Variants in PCDHGA12 observed in about 807,000 individuals in gnomAD.
PCDHGA12 encodes the protein protocadherin gamma subfamily A, 12.
A neutral mutation model predicts 61.1 loss-of-function variants in PCDHGA12; 43 were observed. The observed-to-expected ratio is 0.70, with a 90% CI of 0.55 to 0.91. PCDHGA12 has a LOEUF of 0.91. Ranked by LOEUF, PCDHGA12 falls within the 40% of genes least tolerant of loss-of-function variation. The probability of loss-of-function intolerance (pLI) is 0.00; values close to 1 mark genes in which losing one functional copy is unlikely to be tolerated. For missense variants in PCDHGA12, 1,236 were observed against 1,227.7 expected, an observed-to-expected ratio of 1.01 and a Z score of -0.10; for synonymous variants, 520 against 542.9, an observed-to-expected ratio of 0.96 and a Z score of 0.59.
At chr5:141,447,437 G>A (rs1435222330) in intron 1 of PCDHGA12, among the ~76,000 whole-genome samples, 3 of 152,128 alleles carry the variant, frequency 2.0e-5, no homozygotes, top group Non-Finnish European at 2.9e-5. Context: ...CGCACCCGGA[G>A]GAAATTTTTA....
chr5:141,506,434 C>A lies in PCDHGA12; in HGVS notation c.2572+953C>A, dbSNP rs139627189. Among the ~76,000 whole-genome samples the A allele has an allele frequency of 8.5e-4, 112 of 131,752 alleles. 2 individuals are homozygous for A. The highest frequency in any genetic ancestry group is 3.3e-3 in the African/African-American group (107 of 32,408). 86.4% of individuals were successfully genotyped at this position (131,752 alleles called of 152,430 possible). ...TGCACTCCAGCCTGGGCAACAGTCT[C>A]GCTCTGTCTCAAAAAAAAAAAAAAA... On this transcript the variant is annotated intron_variant, in intron 3 of 3. Transcript: ENST00000252085.
Position 141,430,721 on chromosome 5 carries a change from T to C in PCDHGA12, c.-39T>C, listed in dbSNP as rs2097305223. The C allele has an allele frequency of 3.4e-6, 5 of 1,489,270 alleles. No homozygotes were observed. The South Asian group carries it at 7.3e-5, about 22-fold the overall frequency. 92.3% of individuals were successfully genotyped at this position (1,489,270 alleles called of 1,614,324 possible). A position where few individuals can be genotyped will look rare whatever the true frequency, so the allele number is the denominator to read the frequency against. On this transcript the variant is annotated 5_prime_UTR_variant, in exon 1 of 4. It removes the in-frame stop codon of an upstream open reading frame in the 5' UTR. Coordinates refer to ENST00000252085, the MANE Select transcript of PCDHGA12 (RefSeq NM_003735.3). ...AGGAACTGCTCCTGACTTCAGTGGT[T>C]AAGGGCAGAATTGAAAATAATTCTG...
intron 1 of PCDHGA12, among the ~76,000 whole-genome samples, chr5:141,467,395 G>A (rs1197131223): frequency 6.6e-6 from 1 of 152,056 alleles, no homozygotes; most frequent in African/African-American, 2.4e-5. Flanking sequence ...TTAAGTCATA[G>A]TTAGAAAGCC....
At chr5:141,443,344 G>T (rs1016738767) in intron 1 of PCDHGA12, among the ~76,000 whole-genome samples, 2 of 151,966 alleles carry the variant, frequency 1.3e-5, no homozygotes, top group African/African-American at 2.4e-5. Context: ...AATTAACAAG[G>T]TTTAGTGGTC....
rs563283218 is a variant in PCDHGA12, at chr5:141,431,573, G to A, written c.814G>A (p.Gly272Arg). The change falls in exon 1 of 4, where the codon GGA becomes AGA. Residue 272 changes from glycine (G) to arginine (R), a missense_variant. Gly to Arg is a moderately radical substitution (Grantham distance 125). Coordinates refer to ENST00000252085, the MANE Select transcript of PCDHGA12 (RefSeq NM_003735.3). This position sits in a 1 kb window ranked among gnomAD's most constrained non-coding sequence, Gnocchi z 4.8. ...LVVNATDPDE[G>R]VNAEVRYSFR... is the part of the protein sequence containing the mutation. ...AGTCAACGCTACCGACCCTGACGAA[G>A]GAGTCAATGCGGAAGTGAGGTATTC... 5.6e-6 allele frequency: 9 copies of A among 1,614,186 alleles called. No homozygotes were observed. The South Asian group carries it at 8.8e-5, about 16-fold the overall frequency.
intron 2 of PCDHGA12, among the ~76,000 whole-genome samples, chr5:141,505,172 A>C (rs1336105711): frequency 6.6e-6 from 1 of 152,178 alleles, no homozygotes; most frequent in Non-Finnish European, 1.5e-5. Context: ...AAACAAAAAG[A>C]AAAAAGCATC....
chr5:141,505,072 G>A (rs1374916789), intron 2 of PCDHGA12, among the ~76,000 whole-genome samples: 1 of 152,228 alleles, frequency 6.6e-6, no homozygotes. Context: ...TGAGGCAGGA[G>A]AATCGCTTGA....
At chr5:141,437,999 C>T (rs1230507077) in intron 1 of PCDHGA12, among the ~76,000 whole-genome samples, 1 of 152,062 alleles carries the variant, frequency 6.6e-6, no homozygotes, top group African/African-American at 2.4e-5. Flanking sequence ...CCTCAGCCTC[C>T]CAAATAGCTG....
chr5:141,466,510 A>AT (rs1222513096), intron 1 of PCDHGA12, among the ~76,000 whole-genome samples: 1 of 151,938 alleles, frequency 6.6e-6, no homozygotes, highest in African/African-American at 2.4e-5. Context: ...AGACAAGATC[A>AT]TTTTTTTTCC....
At chr5:141,496,892 A>AG (rs1372616572) in intron 2 of PCDHGA12, among the ~76,000 whole-genome samples, 1 of 151,766 alleles carries the variant, frequency 6.6e-6, no homozygotes, top group Non-Finnish European at 1.5e-5. Flanking sequence ...AACACTTAAA[A>AG]AAAAAAAAAA....
chr5:141,434,509 T>C (rs1480014539), intron 1 of PCDHGA12, among the ~76,000 whole-genome samples: 3 of 152,232 alleles, frequency 2.0e-5, no homozygotes, highest in Non-Finnish European at 4.4e-5. Context: ...AGAAAACTGC[T>C]TAAAGGTGTT....
intron 1 of PCDHGA12, among the ~76,000 whole-genome samples, chr5:141,443,905 A>G (rs963772369): frequency 6.6e-6 from 1 of 152,204 alleles, no homozygotes; most frequent in Admixed American, 6.5e-5. Context: ...TAGTAGGAAA[A>G]TTCATAAAAG....
chr5:141,431,673 G>A lies in PCDHGA12; in HGVS notation c.914G>A (p.Gly305Glu). The change falls in exon 1 of 4, where the codon GGG becomes GAG. Residue 305 changes from glycine to glutamate, a missense_variant. By Grantham distance (98) the Gly-to-Glu change is moderately conservative. Coordinates refer to ENST00000252085, the MANE Select transcript of PCDHGA12 (RefSeq NM_003735.3). The surrounding 1 kb of genome is among the most constrained non-coding windows in gnomAD (Gnocchi z 4.8). ...DCNSGTISTI[G>E]ELDHEESGFY... ...AATTCAGGGACAATATCAACAATAG[G>A]GGAGTTGGACCACGAGGAGTCAGGA... 1 of 1,614,214 alleles carries A rather than the reference G, an allele frequency of 6.2e-7. No homozygotes were observed. The highest frequency in any genetic ancestry group is 8.5e-7 in the Non-Finnish European group (1 of 1,180,044).
chr5:141,447,775 AT>A (rs1463090729), intron 1 of PCDHGA12, among the ~76,000 whole-genome samples: 2 of 152,212 alleles, frequency 1.3e-5, no homozygotes, highest in Non-Finnish European at 2.9e-5. Flanking sequence ...TTATACTTTA[AT>A]TGAAAATAAA....
intron 1 of PCDHGA12, among the ~76,000 whole-genome samples, chr5:141,456,033 G>A (rs1398584179): frequency 6.6e-6 from 1 of 151,884 alleles, no homozygotes; most frequent in Non-Finnish European, 1.5e-5. Flanking sequence ...GAGTAGCTGG[G>A]ACTACAGGCG....
intron 1 of PCDHGA12, chr5:141,441,674 CT>C: frequency 3.4e-6 from 1 of 293,692 alleles, no homozygotes; most frequent in Non-Finnish European, 6.7e-6. Flanking sequence ...CACAGTGCGC[CT>C]TCGACCAAGA....
rs768559201 is a variant in PCDHGA12, at chr5:141,431,344, G to A, written c.585G>A (p.Val195=). ...GADGSKYPEL[V]LKRALDREEK... Reference sequence around the variant, plus strand: ...ACGGTAGTAAGTACCCCGAATTGGTGCTGAAACGCGCCCTGGACCGCGAAG... The same window carrying A: ...ACGGTAGTAAGTACCCCGAATTGGTACTGAAACGCGCCCTGGACCGCGAAG... Residue 195 remains valine (V), a synonymous_variant, in exon 1 of 4, where the codon GTG becomes GTA. Coordinates refer to ENST00000252085, the MANE Select transcript of PCDHGA12 (RefSeq NM_003735.3). The surrounding 1 kb of genome is among the most constrained non-coding windows in gnomAD (Gnocchi z 4.8). 3.9e-5 allele frequency: 63 copies of A among 1,614,078 alleles called. No homozygotes were observed. Among genetic ancestry groups the A allele is most frequent in the Non-Finnish European group, 5.0e-5 (59 of 1,180,044 alleles).
In PCDHGA12 at chr5:141,476,040, G is replaced by A; in HGVS notation, c.2425-18767G>A. 2.0e-6 allele frequency: 3 copies of A among 1,488,704 alleles called. No individual in the cohort carries two copies. Among genetic ancestry groups the A allele is most frequent in the Admixed American group, 2.2e-5 (1 of 44,984 alleles). 92.2% of individuals were successfully genotyped at this position (1,488,704 alleles called of 1,614,324 possible). On this transcript the variant is annotated intron_variant, in intron 1 of 3. Coordinates refer to ENST00000252085, the MANE Select transcript of PCDHGA12 (RefSeq NM_003735.3). The surrounding 1 kb of genome is among the most constrained non-coding windows in gnomAD (Gnocchi z 7.6). The stretch of plus-strand genomic sequence containing the variant: ...CGGACTCGGCGCCCAGCGCCCAAGC[G>A]CTAACCCGCTGAAAGTTTCTCAGCG...
Position 141,431,154 on chromosome 5 carries a change from A to G in PCDHGA12, c.395A>G (p.Tyr132Cys), listed in dbSNP as rs754200786. ...EVRDINDNAP[Y>C]FRESELEIKI... ...AGGGACATTAACGACAATGCGCCTT[A>G]CTTTCGTGAAAGTGAATTAGAAATA... The change falls in exon 1 of 4, where the codon TAC (tyrosine) becomes TGC (cysteine). Residue 132 changes from tyrosine (Y) to cysteine (C), a missense_variant. Coordinates refer to ENST00000252085, the MANE Select transcript of PCDHGA12 (RefSeq NM_003735.3). The surrounding 1 kb of genome is among the most constrained non-coding windows in gnomAD (Gnocchi z 4.8). 1.1e-5 allele frequency: 18 copies of G among 1,614,136 alleles called. No homozygotes were observed. In the East Asian group the frequency reaches 4.0e-4, roughly 36 times the overall value.
Sources: gnomAD v4.1 joint callset for allele counts (sites outside exome capture counted in the v4.1 genomes callset) on GRCh38, gnomAD v4.1.1 for gene constraint, Gnocchi (gnomAD v3.1) non-coding constraint, MANE v1.5 for transcripts, NCBI Gene and HGNC (gene_info 2026-07-23, HGNC 2026-07-21) for gene names.